Variants in ARHGAP21 observed in about 807,000 individuals in gnomAD.
The protein encoded by ARHGAP21 is Rho GTPase activating protein 21.
Under a neutral mutation model 164.6 loss-of-function variants are expected in ARHGAP21, and 38 were observed. That is an observed-to-expected ratio of 0.23 (90% CI 0.18 to 0.30). The LOEUF is 0.30. Ranked by LOEUF, ARHGAP21 falls within the 10% of genes least tolerant of loss-of-function variation. ARHGAP21 has a pLI of 1.00. For missense variants in ARHGAP21, 1,822 were observed against 2,370.7 expected (o/e 0.77, Z 4.81); for synonymous variants, 766 against 857.9 (o/e 0.89, Z 1.87).
chr10:24,584,526 T>A lies in ARHGAP21; in HGVS notation c.5763A>T (p.Ile1921=), dbSNP rs200862035. ...TCACGTTCTGGAAGCTTTCTCCGTT[T>A]ATTTGGTCAGGTGACTGTGGTGGTA... ...LSIPPQSPDQ[I]NGESFQNVSK... The change falls in exon 26 of 26, where the codon ATA becomes ATT. Residue 1921 remains isoleucine, a synonymous_variant. Coordinates refer to ENST00000396432, the MANE Select transcript of ARHGAP21 (RefSeq NM_020824.4). 1 of 1,613,974 alleles carries A rather than the reference T, an allele frequency of 6.2e-7. No homozygotes were observed. The highest frequency in any genetic ancestry group is 8.5e-7 in the Non-Finnish European group (1 of 1,179,868).
chr10:24,617,112 A>G lies in ARHGAP21; in HGVS notation c.2422+2361T>C, dbSNP rs896985906. 7.2e-5 allele frequency among the ~76,000 whole-genome samples: 11 copies of G among 152,304 alleles called. No individual in the cohort carries two copies. The East Asian group carries it at 1.9e-3, about 27-fold the overall frequency. ...AAGTCAAATAAGATAGGAACTAATT[A>G]GAGAGTACTTTTATTCTTAGTAAAT... On this transcript the variant is annotated intron_variant, in intron 9 of 25. Coordinates refer to ENST00000396432, the MANE Select transcript of ARHGAP21 (RefSeq NM_020824.4).
intron 4 of ARHGAP21, among the ~76,000 whole-genome samples, chr10:24,661,980 C>A (rs1839743259): frequency 1.3e-5 from 2 of 152,194 alleles, no homozygotes. Context: ...GGGATGCCAA[C>A]AGCAAACTCA....
At chr10:24,592,156 A>ATTTTTTTT (rs57846258) in intron 21 of ARHGAP21, 144 bp from the exon 22 acceptor site, 1 of 205,772 alleles carries the variant, frequency 4.9e-6, no homozygotes, top group Non-Finnish European at 7.5e-6. Context: ...TTCTAGCAAG[A>ATTTTTTTT]TTTTTTTTTT....
chr10:24,659,014 A>G (rs1278654166), intron 4 of ARHGAP21, among the ~76,000 whole-genome samples: 3 of 152,200 alleles, frequency 2.0e-5, no homozygotes, highest in Non-Finnish European at 4.4e-5. Context: ...TGGGTTGGCT[A>G]TAATACAAAA....
rs368363488 is a variant in ARHGAP21, at chr10:24,630,068, A to C, written c.441-18T>G. On this transcript the variant is annotated intron_variant, in intron 6 of 25. Transcript: ENST00000396432. ...TTGTATCACTGAAATTGAATTATATACTATTTTAGGAGAGGTAGAAGTGTA... is the reference window on the plus strand; with the variant it reads ...TTGTATCACTGAAATTGAATTATATCCTATTTTAGGAGAGGTAGAAGTGTA... The C allele has an allele frequency of 9.1e-6, 13 of 1,427,704 alleles. No homozygotes were observed. The highest frequency in any genetic ancestry group is 1.2e-5 in the Non-Finnish European group (13 of 1,048,392). The allele number at this position is 1,427,704 out of a possible 1,614,324, so 88.4% of individuals were successfully genotyped here. A position where few individuals can be genotyped will look rare whatever the true frequency, so the allele number is the denominator to read the frequency against.
chr10:24,620,512 T>A lies in ARHGAP21; in HGVS notation c.1383A>T (p.Glu461Asp), dbSNP rs1168202723. ...TCATTAGCACAGAATCTTCCAGTCT[T>A]TCTTGGGACACACTGCGTTGCCGTA... ...VQIRQRSVSQ[E>D]RLEDSVLMKY... The change falls in exon 9 of 26, where the codon GAA (glutamate) becomes GAT (aspartate). Residue 461 changes from glutamate to aspartate, a missense_variant. Physicochemically the swap from Glu to Asp is conservative, Grantham distance 45 (BLOSUM62 2). Around this residue, in one of 5 missense-constraint regions of ARHGAP21, gnomAD observed 1,090 missense variants for 1,378.9 expected, o/e 0.79. Transcript: ENST00000396432. 6.2e-7 allele frequency: 1 copy of A among 1,611,830 alleles called. No homozygotes were observed. Among genetic ancestry groups the A allele is most frequent in the Admixed American group, 1.7e-5 (1 of 59,866 alleles).
chr10:24,720,465 G>A (rs1845818874), intron 2 of ARHGAP21, among the ~76,000 whole-genome samples: 1 of 152,252 alleles, frequency 6.6e-6, no homozygotes. Context: ...AGAGGATTGT[G>A]GTGTTCCACT....
chr10:24,654,083 AT>A (rs1160305681), intron 4 of ARHGAP21, among the ~76,000 whole-genome samples: 5 of 152,230 alleles, frequency 3.3e-5, no homozygotes, highest in Non-Finnish European at 7.3e-5. Flanking sequence ...ACAGCCCTTC[AT>A]GCTAAAAACT....
chr10:24,680,119 T>C (rs950061193), intron 2 of ARHGAP21, among the ~76,000 whole-genome samples: 1 of 152,210 alleles, frequency 6.6e-6, no homozygotes, highest in African/African-American at 2.4e-5. Flanking sequence ...AAGTGATTTA[T>C]CCAAGATTGT....
rs75409475 is a variant in ARHGAP21, at chr10:24,628,333, T to A, written c.495+1663A>T. 6.2e-4 allele frequency among the ~76,000 whole-genome samples: 95 copies of A among 152,368 alleles called. 3 individuals are homozygous for A. The East Asian group carries it at 0.017, about 28-fold the overall frequency. ...AAGCCATTCCTAAGTAAAATCTACA[T>A]GCCTTGAAAACATGGGGTTAATCCC... On this transcript the variant is annotated intron_variant, in intron 7 of 25. Transcript: ENST00000396432.
intron 11 of ARHGAP21, 58 bp downstream of exon 11, chr10:24,607,441 G>A (rs1055640833): frequency 1.8e-5 from 25 of 1,411,354 alleles, no homozygotes; most frequent in South Asian, 8.3e-5. Context: ...TATGTGTCAA[G>A]GTCATGCTGA....
chr10:24,595,435 TGAC>T (rs2076538138), intron 19 of ARHGAP21, among the ~76,000 whole-genome samples: 3 of 152,322 alleles, frequency 2.0e-5, no homozygotes, highest in Non-Finnish European at 4.4e-5. Flanking sequence ...ATACTTGGCT[TGAC>T]TGAAAAAACA....
At chr10:24,648,820 T>C (rs938572357) in intron 4 of ARHGAP21, 18 of 982,838 alleles carry the variant, frequency 1.8e-5, no homozygotes, top group African/African-American at 3.5e-5. Flanking sequence ...AAAATGTATA[T>C]ATATTCTTAC....
intron 7 of ARHGAP21, among the ~76,000 whole-genome samples, chr10:24,628,411 C>T (rs1220255107): frequency 3.8e-5 from 5 of 132,958 alleles, no homozygotes; most frequent in African/African-American, 1.4e-4. Flanking sequence ...TCTTTAGGAT[C>T]GGCTTTAGTG....
At chr10:24,598,149 G>A (rs1038607917) in intron 14 of ARHGAP21, 140 bp from the exon 15 acceptor site, 3 of 651,764 alleles carry the variant, frequency 4.6e-6, no homozygotes, top group Non-Finnish European at 7.6e-6. Flanking sequence ...CTGTTTCAAA[G>A]CTTCTATTCA....
intron 12 of ARHGAP21, among the ~76,000 whole-genome samples, chr10:24,603,658 GCAATATTTATGGTAAGAATAAGGAA>G (rs1483991039): frequency 6.6e-6 from 1 of 152,104 alleles, no homozygotes; most frequent in Non-Finnish European, 1.5e-5. Context: ...TACAAGCACA[GCAATATTTATGGTAAGAATAAGGAA>G]GGCAGCAAGT....
intron 14 of ARHGAP21, among the ~76,000 whole-genome samples, chr10:24,598,814 G>A (rs1339976867): frequency 6.6e-6 from 1 of 152,194 alleles, no homozygotes; most frequent in Non-Finnish European, 1.5e-5. Context: ...GAGATCATAT[G>A]ATTAAGATCT....
intron 14 of ARHGAP21, among the ~76,000 whole-genome samples, 175 bp downstream of exon 14, chr10:24,600,471 A>G (rs902153002): frequency 4.6e-5 from 7 of 152,238 alleles, no homozygotes; most frequent in African/African-American, 9.6e-5. Context: ...TGATTTTCCA[A>G]TGTGTGAAAA....
At chr10:24,643,882 T>A (rs962037423) in intron 4 of ARHGAP21, among the ~76,000 whole-genome samples, 1 of 152,170 alleles carries the variant, frequency 6.6e-6, no homozygotes, top group Non-Finnish European at 1.5e-5. Context: ...ACCTTCTTTT[T>A]TATTTATTTT....
Sources: gnomAD v4.1 joint callset for allele counts (sites outside exome capture counted in the v4.1 genomes callset) on GRCh38, gnomAD v4.1.1 for gene constraint, gnomAD v4.1.1 regional missense constraint, MANE v1.5 for transcripts, NCBI Gene and HGNC (gene_info 2026-07-23, HGNC 2026-07-21) for gene names.